The following TOP6BL variants were observed in gnomAD, a reference collection of about 807,000 sequenced individuals.
The protein encoded by TOP6BL is TOP6B like initiator of meiotic double strand breaks, also known as type 2 DNA topoisomerase 6 subunit B-like.
At chr11:66,828,519 ATC>A in the TOP6BL span, 1 of 604,704 alleles carries the variant, frequency 1.7e-6, no homozygotes, top group Non-Finnish European at 2.9e-6. Context: ...TCTGTTTTCT[ATC>A]TCTCAGGAAT....
chr11:66,755,124 T>TC, the TOP6BL span, among the ~76,000 whole-genome samples: 1 of 150,850 alleles, frequency 6.6e-6, no homozygotes, highest in East Asian at 1.9e-4. Context: ...TTTCTAGATT[T>TC]TTTTTTTTTT....
the TOP6BL span, among the ~76,000 whole-genome samples, chr11:66,808,060 C>T: frequency 2.0e-5 from 3 of 152,170 alleles, no homozygotes; most frequent in Admixed American, 2.0e-4. Context: ...CCTGTGCTCC[C>T]AATTATTTAA....
chr11:66,746,504 C>T, the TOP6BL span, among the ~76,000 whole-genome samples: 1 of 152,140 alleles, frequency 6.6e-6, no homozygotes, highest in East Asian at 1.9e-4. Context: ...CACCTGAGGT[C>T]GGGAGTTCAA....
the TOP6BL span, among the ~76,000 whole-genome samples, chr11:66,776,349 A>G: frequency 6.6e-6 from 1 of 152,094 alleles, no homozygotes; most frequent in Non-Finnish European, 1.5e-5. Flanking sequence ...ATGAGCCATC[A>G]CGCCTGGCAT....
chr11:66,792,442 G>T, the TOP6BL span, among the ~76,000 whole-genome samples: 1 of 152,070 alleles, frequency 6.6e-6, no homozygotes, highest in African/African-American at 2.4e-5. Context: ...CCATACATAA[G>T]CATTGCTTGT....
chr11:66,765,060 T>C, the TOP6BL span, among the ~76,000 whole-genome samples: 1 of 152,186 alleles, frequency 6.6e-6, no homozygotes, highest in Non-Finnish European at 1.5e-5. Flanking sequence ...CTTAATGTGC[T>C]TGTACAAGGA....
At chr11:66,816,641 A>G in the TOP6BL span, among the ~76,000 whole-genome samples, 3 of 152,280 alleles carry the variant, frequency 2.0e-5, no homozygotes, top group South Asian at 4.1e-4. Flanking sequence ...AGCTCAATGC[A>G]ACATCAAACT....
the TOP6BL span, chr11:66,813,941 A>T: frequency 6.2e-7 from 1 of 1,613,742 alleles, no homozygotes. Flanking sequence ...TTCTTCAAAG[A>T]TACCTCTTCT....
At chr11:66,824,066 C>T in the TOP6BL span, among the ~76,000 whole-genome samples, 1 of 152,094 alleles carries the variant, frequency 6.6e-6, no homozygotes, top group Non-Finnish European at 1.5e-5. Context: ...AATAGTACCT[C>T]ACAGAGTTAT....
At chr11:66,792,841 A>T in the TOP6BL span, among the ~76,000 whole-genome samples, 1 of 152,186 alleles carries the variant, frequency 6.6e-6, no homozygotes, top group East Asian at 1.9e-4. Context: ...TACGCCCTAT[A>T]ATCACCAAGG....
At chr11:66,833,849 G>A in the TOP6BL span, among the ~76,000 whole-genome samples, 1 of 151,982 alleles carries the variant, frequency 6.6e-6, no homozygotes, top group African/African-American at 2.4e-5. Flanking sequence ...TCAGGAGGGT[G>A]AGACATGAGA....
At chr11:66,775,547 G>A in the TOP6BL span, among the ~76,000 whole-genome samples, 1 of 152,230 alleles carries the variant, frequency 6.6e-6, no homozygotes, top group African/African-American at 2.4e-5. Flanking sequence ...GAAGCTTTAA[G>A]AGTCTATGTG....
chr11:66,752,867 G>A, the TOP6BL span, among the ~76,000 whole-genome samples: 3 of 152,126 alleles, frequency 2.0e-5, no homozygotes, highest in Non-Finnish European at 4.4e-5. Flanking sequence ...GGTGGCTCAC[G>A]CCTATAATGC....
the TOP6BL span, chr11:66,821,801 C>G: frequency 6.2e-7 from 1 of 1,605,756 alleles, no homozygotes; most frequent in Non-Finnish European, 8.5e-7. Flanking sequence ...CTCCTATTCT[C>G]TAAGAAAAAG....
chr11:66,776,507 G>T, the TOP6BL span, among the ~76,000 whole-genome samples: 1 of 152,080 alleles, frequency 6.6e-6, no homozygotes, highest in African/African-American at 2.4e-5. Flanking sequence ...TCTACCACTG[G>T]CCGGGAGCAG....
the TOP6BL span, chr11:66,800,797 A>AC: frequency 9.1e-7 from 1 of 1,096,340 alleles, no homozygotes; most frequent in Non-Finnish European, 1.3e-6. Flanking sequence ...TGATATCTTG[A>AC]CCCAAAGTCA....
chr11:66,760,597 C>G, the TOP6BL span, among the ~76,000 whole-genome samples: 1 of 130,482 alleles, frequency 7.7e-6, no homozygotes, highest in Non-Finnish European at 1.6e-5. Context: ...CAAGACCAGC[C>G]TAGCACCATC....
the TOP6BL span, among the ~76,000 whole-genome samples, chr11:66,830,100 T>C: frequency 5.9e-5 from 9 of 152,202 alleles, no homozygotes; most frequent in African/African-American, 2.2e-4. Context: ...CACAGAAGAA[T>C]ATGCATTCTT....
At chr11:66,766,111 A>G in the TOP6BL span, among the ~76,000 whole-genome samples, 1 of 152,174 alleles carries the variant, frequency 6.6e-6, no homozygotes, top group Non-Finnish European at 1.5e-5. Context: ...TACAAAGTTA[A>G]TATGTCTGTA....
Sources: gnomAD v4.1 joint callset for allele counts (sites outside exome capture counted in the v4.1 genomes callset) on GRCh38, gnomAD v4.1.1 for gene constraint, MANE v1.5 for transcripts, NCBI Gene and HGNC (gene_info 2026-07-23, HGNC 2026-07-21) for gene names.